The following ATF7 variants were observed in gnomAD, a reference collection of about 807,000 sequenced individuals.
ATF7 encodes the protein cyclic AMP-dependent transcription factor ATF-7.
A neutral mutation model predicts 50.4 loss-of-function variants in ATF7; 10 were observed. That is an observed-to-expected ratio of 0.20 (90% CI 0.12 to 0.34). The LOEUF (loss-of-function observed/expected upper bound fraction) is 0.34. Among genes scored for constraint, ATF7 ranks in the 10% least tolerant of loss-of-function variants. The pLI, the probability that ATF7 is intolerant of heterozygous loss-of-function variation, is 1.00. For missense variants in ATF7, 465 were observed against 613.9 expected (o/e 0.76, Z 2.56); for synonymous variants, 201 against 226.4 (o/e 0.89, Z 1.01).
At position 53,524,771 on chromosome 12, in the gene ATF7, A is replaced by G. The variant is rs1938343005; in HGVS notation, c.928-10T>C. 1 of 1,582,016 alleles carries G rather than the reference A, an allele frequency of 6.3e-7. No individual in the cohort carries two copies. Among genetic ancestry groups the G allele is most frequent in the Non-Finnish European group, 8.6e-7 (1 of 1,163,614 alleles). The stretch of plus-strand genomic sequence containing the variant: ...GCTGAGCTGGTGAGACCTGGTGCCC[A>G]GGAAGGAAGAGAGGTTACTTGATGG... On this transcript the variant is annotated splice_polypyrimidine_tract_variant and intron_variant, in intron 9 of 11. Transcript: ENST00000420353. This position sits in a 1 kb window ranked among gnomAD's most constrained non-coding sequence, Gnocchi z 4.6.
chr12:53,564,785 C>T (rs193024700), intron 2 of ATF7, among the ~76,000 whole-genome samples: 1 of 152,312 alleles, frequency 6.6e-6, no homozygotes, highest in Non-Finnish European at 1.5e-5. Flanking sequence ...CAAACTTGTC[C>T]AACCTTTGGC....
At chr12:53,609,125 C>T (rs547437931) in intron 1 of ATF7, among the ~76,000 whole-genome samples, 2 of 151,734 alleles carry the variant, frequency 1.3e-5, no homozygotes, top group East Asian at 3.9e-4. Flanking sequence ...GCCAACAAAG[C>T]AAGAGCCTGT....
At chr12:53,622,595 A>C (rs1944433001) in intron 1 of ATF7, among the ~76,000 whole-genome samples, 1 of 151,164 alleles carries the variant, frequency 6.6e-6, no homozygotes, top group Admixed American at 6.6e-5. Context: ...CACTCCAGCC[A>C]GGGCAAAAGC....
chr12:53,524,612 G>A lies in ATF7; in HGVS notation c.1077C>T (p.Ser359=). The A allele has an allele frequency of 6.2e-7, 1 of 1,613,964 alleles. No homozygotes were observed. Among genetic ancestry groups the A allele is most frequent in the South Asian group, 1.1e-5 (1 of 91,082 alleles). Residue 359 remains serine, a synonymous_variant, in exon 10 of 12, where the codon TCC becomes TCT. Coordinates refer to ENST00000420353, the MANE Select transcript of ATF7 (RefSeq NM_006856.3). This position sits in a 1 kb window ranked among gnomAD's most constrained non-coding sequence, Gnocchi z 4.6. The part of the protein sequence containing the change: ...CRQKRKLWVS[S]LEKKAEELTS... ...TGAGTTCTTCGGCCTTCTTCTCTAG[G>A]GAGGACACCCACAGCTTTCGCTTTT...
chr12:53,621,800 A>AG (rs1273494384), intron 1 of ATF7, among the ~76,000 whole-genome samples: 1 of 151,698 alleles, frequency 6.6e-6, no homozygotes, highest in African/African-American at 2.4e-5. Context: ...AAAAAAAAAA[A>AG]AAAAAAAAAA....
At chr12:53,550,551 G>A (rs191621302) in intron 3 of ATF7, among the ~76,000 whole-genome samples, 1 of 151,842 alleles carries the variant, frequency 6.6e-6, no homozygotes, top group Non-Finnish European at 1.5e-5. Flanking sequence ...GTGATGGCAG[G>A]GAGAATAGGA....
intron 2 of ATF7, among the ~76,000 whole-genome samples, chr12:53,591,705 G>A (rs543006129): frequency 6.6e-6 from 1 of 152,314 alleles, no homozygotes; most frequent in South Asian, 2.1e-4. Flanking sequence ...TGACCCTTGG[G>A]AGGAGAAAGG....
intron 1 of ATF7, among the ~76,000 whole-genome samples, chr12:53,604,757 G>A (rs777569331): frequency 5.9e-5 from 9 of 152,114 alleles, no homozygotes; most frequent in Non-Finnish European, 1.0e-4. Flanking sequence ...TGCACTGTAA[G>A]TATCAAAGAG....
chr12:53,524,864 C>T lies in ATF7; in HGVS notation c.928-103G>A. 1.8e-6 allele frequency: 2 copies of T among 1,115,808 alleles called. No individual in the cohort carries two copies. The highest frequency in any genetic ancestry group is 1.7e-5 in the South Asian group (1 of 60,218). The allele number at this position is 1,115,808 out of a possible 1,614,324, so 69.1% of individuals were successfully genotyped here. A position where few individuals can be genotyped will look rare whatever the true frequency, so the allele number is the denominator to read the frequency against. ...TAGTAAGATCTGGTAAAAGGATATA[C>T]CAGCCTCTGGTAACCACAGCAAGTC... is the stretch of plus-strand genomic sequence containing the variant. On this transcript the variant is annotated intron_variant, in intron 9 of 11. Transcript: ENST00000420353. This position sits in a 1 kb window ranked among gnomAD's most constrained non-coding sequence, Gnocchi z 4.6.
chr12:53,566,745 T>C (rs373819408), intron 2 of ATF7, among the ~76,000 whole-genome samples: 1 of 152,054 alleles, frequency 6.6e-6, no homozygotes, highest in African/African-American at 2.4e-5. Flanking sequence ...ACACAGTTTT[T>C]TTTTGTTTTT....
At chr12:53,621,207 T>A (rs1348531222) in intron 1 of ATF7, among the ~76,000 whole-genome samples, 2 of 152,240 alleles carry the variant, frequency 1.3e-5, no homozygotes. Flanking sequence ...GGTTAGATTA[T>A]ATAAAATGGC....
chr12:53,532,207 T>C (rs1324932048), intron 8 of ATF7, among the ~76,000 whole-genome samples: 3 of 152,146 alleles, frequency 2.0e-5, no homozygotes, highest in Admixed American at 1.3e-4. Flanking sequence ...ATTCACCTCT[T>C]GGCCAGCTCC....
At chr12:53,615,209 C>A (rs2137907324) in intron 1 of ATF7, among the ~76,000 whole-genome samples, 1 of 151,826 alleles carries the variant, frequency 6.6e-6, no homozygotes, top group East Asian at 1.9e-4. Context: ...TGGTGAAACC[C>A]CGTCTCTACT....
chr12:53,587,843 A>ATATATATATATATATATATTTTTTTTTTT, intron 2 of ATF7, among the ~76,000 whole-genome samples: 1 of 61,568 alleles, frequency 1.6e-5, no homozygotes, highest in African/African-American at 5.1e-5. Flanking sequence ...ATATATATAT[A>ATATATATATATATATATATTTTTTTTTTT]TTTTTTTTTT....
chr12:53,528,728 A>C (rs1189033060), intron 9 of ATF7, among the ~76,000 whole-genome samples: 3 of 152,088 alleles, frequency 2.0e-5, no homozygotes, highest in Non-Finnish European at 4.4e-5. Flanking sequence ...GTGCCACTGC[A>C]CTCTAGCCTG....
At chr12:53,542,112 T>TTTTTTTTTTTG (rs1939596280) in intron 4 of ATF7, among the ~76,000 whole-genome samples, 2 of 145,746 alleles carry the variant, frequency 1.4e-5, no homozygotes, top group African/African-American at 5.0e-5. Flanking sequence ...GGCCTGTTTT[T>TTTTTTTTTTTG]TTTTTTTTTT....
chr12:53,562,275 A>G (rs906552282), intron 2 of ATF7, among the ~76,000 whole-genome samples: 66 of 152,236 alleles, frequency 4.3e-4, no homozygotes, highest in Admixed American at 4.3e-3. Context: ...TAGGTGCTTA[A>G]TATTTGTTGA....
rs767387299 is a variant in ATF7 at position 53,587,511 on chromosome 12, C to CA, written c.48+13441dup. Among the ~76,000 whole-genome samples the CA allele has an allele frequency of 6.0e-5, 9 of 150,470 alleles. No homozygotes were observed. In the East Asian group the frequency reaches 1.6e-3, roughly 26 times the overall value. On this transcript the variant is annotated intron_variant, in intron 2 of 11. Coordinates refer to ENST00000420353, the MANE Select transcript of ATF7 (RefSeq NM_006856.3). ...CAATATGGTGAAACCCCATCTCTAC[C>CA]AAAAAAATACTAAAACTAGCTGGTT...
At chr12:53,571,685 T>A (rs985860268) in intron 2 of ATF7, among the ~76,000 whole-genome samples, 5 of 149,822 alleles carry the variant, frequency 3.3e-5, no homozygotes, top group Non-Finnish European at 3.0e-5. Context: ...CACTGAAATA[T>A]CACCACCACA....
Sources: gnomAD v4.1 joint callset for allele counts (sites outside exome capture counted in the v4.1 genomes callset) on GRCh38, gnomAD v4.1.1 for gene constraint, Gnocchi (gnomAD v3.1) non-coding constraint, MANE v1.5 for transcripts, NCBI Gene and HGNC (gene_info 2026-07-23, HGNC 2026-07-21) for gene names.